Variants in NUBPL observed in about 807,000 individuals in gnomAD.
NUBPL encodes NUBP iron-sulfur cluster assembly factor, mitochondrial.
In NUBPL, 31 loss-of-function variants were observed where a neutral mutation model predicts 45.7. That is an observed-to-expected ratio of 0.68 (90% confidence interval 0.51 to 0.92). NUBPL has a LOEUF of 0.92. Among genes scored for constraint, NUBPL ranks in the 40% least tolerant of loss-of-function variants. The pLI, the probability that NUBPL is intolerant of heterozygous loss-of-function variation, is 0.00. For synonymous variants in NUBPL, 144 were observed against 140.9 expected, an observed-to-expected ratio of 1.02 and a Z score of -0.15; for missense variants, 401 against 398.7, an observed-to-expected ratio of 1.01 and a Z score of -0.05.
chr14:31,620,491 A>T (rs915431476), intron 4 of NUBPL, among the ~76,000 whole-genome samples: 5 of 151,946 alleles, frequency 3.3e-5, no homozygotes, highest in Admixed American at 1.3e-4. Flanking sequence ...GTTGATGTTG[A>T]TACTATTCCT....
intron 6 of NUBPL, among the ~76,000 whole-genome samples, chr14:31,693,682 G>T (rs2037141207): frequency 1.3e-5 from 2 of 151,480 alleles, no homozygotes; most frequent in South Asian, 2.1e-4. Context: ...TGCATCATCA[G>T]GTACTCTAGC....
At chr14:31,602,299 T>C (rs1007727681) in intron 4 of NUBPL, among the ~76,000 whole-genome samples, 23 of 151,152 alleles carry the variant, frequency 1.5e-4, no homozygotes, top group Admixed American at 7.3e-4. Flanking sequence ...AAATGACAAG[T>C]CAATGGGTGC....
chr14:31,573,748 A>T (rs2033648448), intron 3 of NUBPL, among the ~76,000 whole-genome samples: 1 of 152,166 alleles, frequency 6.6e-6, no homozygotes, highest in Admixed American at 6.6e-5. Context: ...TTATTCCAGC[A>T]TTAGGTTATT....
intron 7 of NUBPL, among the ~76,000 whole-genome samples, chr14:31,824,518 A>C (rs2040067347): frequency 1.3e-5 from 2 of 152,198 alleles, no homozygotes; most frequent in African/African-American, 4.8e-5. Context: ...TAAAATTCAA[A>C]TTTATGACGT....
At position 31,705,961 on chromosome 14, in the gene NUBPL, C is replaced by T. The variant is rs546393405; in HGVS notation, c.513+32387C>T. 5.8e-4 allele frequency among the ~76,000 whole-genome samples: 89 copies of T among 152,296 alleles called. 1 individual carries two copies. Among genetic ancestry groups the T allele is most frequent in the Middle Eastern group, 3.4e-3 (1 of 294 alleles). ...GCGAGTGCTGCACGAAGCCCCAGCT[C>T]CCACCCGTGCCTCTCCCTCCACACC... On this transcript the variant is annotated intron_variant, in intron 6 of 10. Coordinates refer to ENST00000281081, the MANE Select transcript of NUBPL (RefSeq NM_025152.3).
At chr14:31,747,062 A>C (rs570585804) in intron 6 of NUBPL, among the ~76,000 whole-genome samples, 1 of 136,548 alleles carries the variant, frequency 7.3e-6, no homozygotes, top group South Asian at 2.6e-4. Context: ...ACAGAGAGAG[A>C]ACCTGTCTCC....
At chr14:31,727,453 A>G (rs2037950994) in intron 6 of NUBPL, among the ~76,000 whole-genome samples, 2 of 152,240 alleles carry the variant, frequency 1.3e-5, no homozygotes, top group Non-Finnish European at 2.9e-5. Context: ...AAAGACAAAG[A>G]CATCATAAGG....
At chr14:31,777,581 T>C (rs1211356159) in intron 6 of NUBPL, among the ~76,000 whole-genome samples, 2 of 152,160 alleles carry the variant, frequency 1.3e-5, no homozygotes, top group Non-Finnish European at 2.9e-5. Context: ...AGGAGGATCA[T>C]TAAGACTTGT....
chr14:31,813,607 T>C (rs1015697335), intron 7 of NUBPL, among the ~76,000 whole-genome samples: 2 of 151,734 alleles, frequency 1.3e-5, no homozygotes, highest in African/African-American at 4.9e-5. Context: ...TACATAGATA[T>C]ACATGTACCA....
At chr14:31,822,747 T>C (rs1195772789) in intron 7 of NUBPL, among the ~76,000 whole-genome samples, 2 of 152,148 alleles carry the variant, frequency 1.3e-5, no homozygotes, top group Non-Finnish European at 2.9e-5. Flanking sequence ...TATAGTTCCA[T>C]GAAATGTTTA....
chr14:31,760,066 G>A (rs149024441), intron 6 of NUBPL, among the ~76,000 whole-genome samples: 189 of 149,956 alleles, frequency 1.3e-3, no homozygotes, highest in African/African-American at 4.4e-3. Flanking sequence ...GTCACCACTA[G>A]AGTTGTACAA....
intron 4 of NUBPL, among the ~76,000 whole-genome samples, chr14:31,666,242 TA>T (rs1480990605): frequency 0.055 from 1,609 of 29,122 alleles, 104 homozygotes; most frequent in African/African-American, 0.19. Flanking sequence ...TATATATATA[TA>T]TATATATATA....
At chr14:31,608,315 A>G (rs2034657945) in intron 4 of NUBPL, among the ~76,000 whole-genome samples, 2 of 152,198 alleles carry the variant, frequency 1.3e-5, no homozygotes, top group African/African-American at 2.4e-5. Context: ...GCACTTTGGG[A>G]GGCTGAGGCG....
intron 7 of NUBPL, among the ~76,000 whole-genome samples, chr14:31,791,400 A>G (rs1184734406): frequency 6.6e-6 from 1 of 152,246 alleles, no homozygotes; most frequent in Non-Finnish European, 1.5e-5. Context: ...CACTATAGAG[A>G]AGAAAAGGAT....
intron 4 of NUBPL, among the ~76,000 whole-genome samples, chr14:31,659,376 G>C (rs972081177): frequency 1.3e-5 from 2 of 152,134 alleles, no homozygotes; most frequent in Non-Finnish European, 2.9e-5. Context: ...AAGATTCTCA[G>C]ACTCTACCTG....
chr14:31,758,579 A>T (rs979035116), intron 6 of NUBPL, among the ~76,000 whole-genome samples: 3 of 152,184 alleles, frequency 2.0e-5, no homozygotes, highest in African/African-American at 7.2e-5. Flanking sequence ...ATGTGTGTTT[A>T]TATGTGATAT....
At chr14:31,824,644 G>A (rs1049051203) in intron 7 of NUBPL, among the ~76,000 whole-genome samples, 1 of 152,074 alleles carries the variant, frequency 6.6e-6, no homozygotes, top group Non-Finnish European at 1.5e-5. Flanking sequence ...ACTGCCATGT[G>A]CTTTGTGATA....
At position 31,644,227 on chromosome 14, in the gene NUBPL, TTG is replaced by T. The variant is rs539252771; in HGVS notation, c.383-29127_383-29126del. ...TTTCTTTTTAGTTTCTTGAGATGCA[TTG>T]ATATGTTGTGTTAAGTTATTTATTT... is the stretch of plus-strand genomic sequence containing the variant. On this transcript the variant is annotated intron_variant, in intron 4 of 10. Transcript: ENST00000281081. 1.4e-4 allele frequency among the ~76,000 whole-genome samples: 22 copies of T among 152,168 alleles called. No individual in the cohort carries two copies. The South Asian group carries it at 4.6e-3, about 32-fold the overall frequency.
chr14:31,726,461 A>G (rs529941128), intron 6 of NUBPL, among the ~76,000 whole-genome samples: 1 of 152,358 alleles, frequency 6.6e-6, no homozygotes, highest in South Asian at 2.1e-4. Flanking sequence ...TGAATGCTCT[A>G]TCAGTGGAAC....
Sources: allele counts gnomAD v4.1 joint callset (sites outside exome capture counted in the v4.1 genomes callset), GRCh38; gene constraint gnomAD v4.1.1; transcripts MANE v1.5; gene names NCBI Gene and HGNC (gene_info 2026-07-23, HGNC 2026-07-21).